The following PALM3 variants were observed in gnomAD, a reference collection of about 807,000 sequenced individuals.
PALM3 encodes paralemmin 3, also known as paralemmin-3.
In PALM3, 20 loss-of-function variants were observed where a neutral mutation model predicts 27.9. The observed-to-expected ratio is 0.72, with a 90% confidence interval of 0.50 to 1.04. The LOEUF (loss-of-function observed/expected upper bound fraction) is 1.04, where lower values mean the gene tolerates loss of function less well. Ranked by LOEUF, PALM3 falls within the 50% of genes least tolerant of loss-of-function variation. The pLI, the probability that PALM3 is intolerant of heterozygous loss-of-function variation, is 0.00. For missense variants in PALM3, 814 were observed against 869.4 expected, an observed-to-expected ratio of 0.94 and a Z score of 0.80; for synonymous variants, 328 against 352.7, an observed-to-expected ratio of 0.93 and a Z score of 0.79.
Position 14,054,952 on chromosome 19 carries a change from C to T in PALM3, c.720G>A (p.Leu240=). The T allele has an allele frequency of 6.5e-7, 1 of 1,549,826 alleles. No homozygotes were observed. Among genetic ancestry groups the T allele is most frequent in the South Asian group, 1.2e-5 (1 of 83,992 alleles). The change falls in exon 7 of 7, where the codon CTG becomes CTA. Residue 240 remains leucine, a synonymous_variant. Transcript: ENST00000669674. ...CTGTGGCACAGTCCTCTGTGGCCCTCAGCCCTTCCCACACCACACTCACCA... is the reference window on the plus strand; with the variant it reads ...CTGTGGCACAGTCCTCTGTGGCCCTTAGCCCTTCCCACACCACACTCACCA... ...GGVVSVVWEG[L]RATEDCATGA... is the part of the protein sequence containing the mutation.
chr19:14,053,462 T>G lies in PALM3; in HGVS notation c.*143A>C. 4.2e-6 allele frequency: 4 copies of G among 943,686 alleles called. No individual in the cohort carries two copies. Among genetic ancestry groups the G allele is most frequent in the South Asian group, 2.8e-5 (1 of 36,128 alleles). The allele number at this position is 943,686 out of a possible 1,614,324, so 58.5% of individuals were successfully genotyped here. A position where few individuals can be genotyped will look rare whatever the true frequency, so the allele number is the denominator to read the frequency against. ...TGGGCAAGGGGTCTGGAAGCCCAGGTTTAGGTGGACGTGCAGGCTAGCTGG... is the reference window on the plus strand; with the variant it reads ...TGGGCAAGGGGTCTGGAAGCCCAGGGTTAGGTGGACGTGCAGGCTAGCTGG... On this transcript the variant is annotated 3_prime_UTR_variant, in exon 7 of 7. Transcript: ENST00000669674.
Position 14,055,400 on chromosome 19 carries a change from A to G in PALM3, c.425T>C (p.Ile142Thr). ...CTTACCTACAGAACCTGCCTCGACA[A>G]TGGACTGGGAGAGAGGACGGTGACC... ...RQGHRPLSQS[I>T]VEAGSVGQTD... Residue 142 changes from isoleucine to threonine, a missense_variant, in exon 6 of 7, where the codon ATT becomes ACT. Coordinates refer to ENST00000669674, the MANE Select transcript of PALM3 (RefSeq NM_001145028.2). 1 of 1,551,538 alleles carries G rather than the reference A, an allele frequency of 6.4e-7. No individual in the cohort carries two copies. Among genetic ancestry groups the G allele is most frequent in the South Asian group, 1.2e-5 (1 of 84,060 alleles).
In PALM3 at chr19:14,057,665, G is replaced by T. The variant is rs1367483270; in HGVS notation, c.91-234C>A. The T allele has an allele frequency of 5.8e-5, 11 of 191,010 alleles. No homozygotes were observed. The Admixed American group carries it at 6.9e-4, about 12-fold the overall frequency. The allele number at this position is 191,010 out of a possible 1,614,324, so 11.8% of individuals were successfully genotyped here. A position where few individuals can be genotyped will look rare whatever the true frequency, so the allele number is the denominator to read the frequency against. On this transcript the variant is annotated intron_variant, in intron 2 of 6. Coordinates refer to ENST00000669674, the MANE Select transcript of PALM3 (RefSeq NM_001145028.2). Reference sequence around the variant, plus strand: ...GGGGGGGCGGGGCGGGGGCGGGGCCGGCCGCGCCCGGGATGCTGCGGAGGC... The same window carrying T: ...GGGGGGGCGGGGCGGGGGCGGGGCCTGCCGCGCCCGGGATGCTGCGGAGGC...
chr19:14,053,499 C>A lies in PALM3; in HGVS notation c.*106G>T. ...TGCAGGCTAGCTGGCTCCCAGGTGCCATGGCCAGTCCTGTGGTCCCTGTCT... is the reference window on the plus strand; with the variant it reads ...TGCAGGCTAGCTGGCTCCCAGGTGCAATGGCCAGTCCTGTGGTCCCTGTCT... On this transcript the variant is annotated 3_prime_UTR_variant, in exon 7 of 7. Coordinates refer to ENST00000669674, the MANE Select transcript of PALM3 (RefSeq NM_001145028.2). The A allele has an allele frequency of 7.6e-7, 1 of 1,312,566 alleles. No individual in the cohort carries two copies. Among genetic ancestry groups the A allele is most frequent in the East Asian group, 2.7e-5 (1 of 36,498 alleles). The allele number at this position is 1,312,566 out of a possible 1,614,324, so 81.3% of individuals were successfully genotyped here.
Position 14,054,971 on chromosome 19 carries a change from C to A in PALM3, c.701G>T (p.Ser234Ile). ...VGEAKGGGVV[S>I]VVWEGLRATE... Reference sequence around the variant, plus strand: ...GGCCCTCAGCCCTTCCCACACCACACTCACCACGCCCCCTCCTTTGGCCTC... The same window carrying A: ...GGCCCTCAGCCCTTCCCACACCACAATCACCACGCCCCCTCCTTTGGCCTC... The change falls in exon 7 of 7, where the codon AGT becomes ATT. Residue 234 changes from serine (S) to isoleucine (I), a missense_variant. Coordinates refer to ENST00000669674, the MANE Select transcript of PALM3 (RefSeq NM_001145028.2). The A allele has an allele frequency of 6.5e-7, 1 of 1,549,366 alleles. No individual in the cohort carries two copies. Among genetic ancestry groups the A allele is most frequent in the Middle Eastern group, 1.7e-4 (1 of 5,988 alleles).
chr19:14,057,340 C>T lies in PALM3; in HGVS notation c.171+11G>A. 6.5e-7 allele frequency: 1 copy of T among 1,537,958 alleles called. No homozygotes were observed. The highest frequency in any genetic ancestry group is 2.0e-5 in the Admixed American group (1 of 50,344). Reference sequence around the variant, plus strand: ...CCCCAGGCTAGGCAGGCGCCCCCGCCCGCCCCCAACCTTGAGACGCTCCAC... The same window carrying T: ...CCCCAGGCTAGGCAGGCGCCCCCGCTCGCCCCCAACCTTGAGACGCTCCAC... On this transcript the variant is annotated intron_variant, in intron 3 of 6. Coordinates refer to ENST00000669674, the MANE Select transcript of PALM3 (RefSeq NM_001145028.2).
rs764200354 is a variant in PALM3 at position 14,054,805 on chromosome 19, C to T, written c.867G>A (p.Val289=). Residue 289 remains valine (V), a synonymous_variant, in exon 7 of 7, where the codon GTG becomes GTA. Transcript: ENST00000669674. Reference sequence around the variant, plus strand: ...CACCCACCCCCTCCCAGACCACCTCCACGATGCCCCTGTCCTCCTTCACCC... The same window carrying T: ...CACCCACCCCCTCCCAGACCACCTCTACGATGCCCCTGTCCTCCTTCACCC... ...PAWVKEDRGI[V]EVVWEGVGGS... is the part of the protein sequence containing the mutation. 1 of 1,550,004 alleles carries T rather than the reference C, an allele frequency of 6.5e-7. No individual in the cohort carries two copies.
intron 2 of PALM3, among the ~76,000 whole-genome samples, chr19:14,058,855 A>G (rs1001256655): frequency 1.3e-5 from 2 of 151,888 alleles, no homozygotes; most frequent in East Asian, 3.9e-4. Context: ...CGGCTCAGGC[A>G]TGGGGTTTTT....
At chr19:14,058,196 G>C (rs1976350275) in intron 2 of PALM3, among the ~76,000 whole-genome samples, 2 of 151,038 alleles carry the variant, frequency 1.3e-5, no homozygotes, top group South Asian at 4.2e-4. Context: ...ATGGAGTGTA[G>C]ACATGGAATC....
At chr19:14,058,875 G>A (rs1309268011) in intron 2 of PALM3, among the ~76,000 whole-genome samples, 2 of 150,558 alleles carry the variant, frequency 1.3e-5, no homozygotes, top group Admixed American at 1.3e-4. Context: ...TGGGAGGCTG[G>A]GGTTCAGGAA....
rs1187829599 is a variant in PALM3 at position 14,057,227 on chromosome 19, G to A, written c.171+124C>T. The A allele has an allele frequency of 9.0e-5, 36 of 399,376 alleles. No homozygotes were observed. In the South Asian group the frequency reaches 1.3e-3, roughly 15 times the overall value. 24.7% of individuals were successfully genotyped at this position (399,376 alleles called of 1,614,324 possible). A position where few individuals can be genotyped will look rare whatever the true frequency, so the allele number is the denominator to read the frequency against. ...CCGCCCCGGCCAAGCTGGAACCAAC[G>A]CCCCCAACTGCCCGCTCCCCCCCAA... is the stretch of plus-strand genomic sequence containing the variant. On this transcript the variant is annotated intron_variant, in intron 3 of 6. Coordinates refer to ENST00000669674, the MANE Select transcript of PALM3 (RefSeq NM_001145028.2).
intron 1 of PALM3, 112 bp downstream of exon 1, chr19:14,061,828 G>T: frequency 1.5e-6 from 1 of 654,028 alleles, no homozygotes. Context: ...CACTCCCCGG[G>T]TCCCCTTAGG....
At position 14,053,482 on chromosome 19, in the gene PALM3, A is replaced by G. The variant is rs908717944; in HGVS notation, c.*123T>C. 5 of 1,166,126 alleles carry G rather than the reference A, an allele frequency of 4.3e-6. No individual in the cohort carries two copies. Among genetic ancestry groups the G allele is most frequent in the Non-Finnish European group, 5.7e-6 (5 of 871,580 alleles). 72.2% of individuals were successfully genotyped at this position (1,166,126 alleles called of 1,614,324 possible). On this transcript the variant is annotated 3_prime_UTR_variant, in exon 7 of 7. Transcript: ENST00000669674. Reference sequence around the variant, plus strand: ...CCAGGTTTAGGTGGACGTGCAGGCTAGCTGGCTCCCAGGTGCCATGGCCAG... The same window carrying G: ...CCAGGTTTAGGTGGACGTGCAGGCTGGCTGGCTCCCAGGTGCCATGGCCAG...
At chr19:14,060,675 G>T (rs117176194) in intron 1 of PALM3, among the ~76,000 whole-genome samples, 377 of 152,224 alleles carry the variant, frequency 2.5e-3, no homozygotes, top group Admixed American at 4.0e-3. Flanking sequence ...GAGGGGGGTG[G>T]GGGTGCAGGT....
In PALM3 at chr19:14,056,517, A is replaced by C; in HGVS notation, c.315-4T>G. 6.4e-7 allele frequency: 1 copy of C among 1,551,034 alleles called. No individual in the cohort carries two copies. The highest frequency in any genetic ancestry group is 8.7e-7 in the Non-Finnish European group (1 of 1,146,568). On this transcript the variant is annotated splice_polypyrimidine_tract_variant and splice_region_variant and intron_variant, in intron 4 of 6. Transcript: ENST00000669674. ...CAGTTGCAGCTGGGACTGGAGTCTG[A>C]AGAAGAGAGAGGGCTGCTAGGAGCT...
At chr19:14,060,353 C>T (rs1010571180) in intron 1 of PALM3, among the ~76,000 whole-genome samples, 3 of 151,884 alleles carry the variant, frequency 2.0e-5, no homozygotes, top group Admixed American at 6.6e-5. Context: ...ACGGGGTTTC[C>T]GCTAGGTTCC....
In PALM3 at chr19:14,053,573, AG is replaced by A. The variant is rs769581065; in HGVS notation, c.*31del. The stretch of plus-strand genomic sequence containing the variant: ...GCCAAGAGGCCGAGGTAGCTGTGAG[AG>A]GAGCTGGACATGGGGTGGAGGGGCA... On this transcript the variant is annotated 3_prime_UTR_variant, in exon 7 of 7. Coordinates refer to ENST00000669674, the MANE Select transcript of PALM3 (RefSeq NM_001145028.2). 411 of 1,437,076 alleles carry A rather than the reference AG, an allele frequency of 2.9e-4. 4 individuals are homozygous for A. In the South Asian group the frequency reaches 6.0e-3, roughly 21 times the overall value. The allele number at this position is 1,437,076 out of a possible 1,614,324, so 89.0% of individuals were successfully genotyped here.
In PALM3 at chr19:14,054,437, TTTCTC is replaced by T. The variant is rs1424454348; in HGVS notation, c.1230_1234del (p.Arg411SerfsTer10). On this transcript the variant is annotated frameshift_variant, in exon 7 of 7. Coordinates refer to ENST00000669674, the MANE Select transcript of PALM3 (RefSeq NM_001145028.2). LOFTEE classifies it low-confidence loss of function (END_TRUNC). Reference sequence around the variant, plus strand: ...TCCTATTCCCATGGATTCTTCCGCTTTTCTCTTCTCTGCCTCCCAGGTCTCCTCGC... The same window carrying T: ...TCCTATTCCCATGGATTCTTCCGCTTTTCTCTGCCTCCCAGGTCTCCTCGC... 2.6e-6 allele frequency: 4 copies of T among 1,551,588 alleles called. No homozygotes were observed. In the African/African-American group the frequency reaches 5.5e-5, roughly 21 times the overall value.
chr19:14,056,948 C>T, intron 3 of PALM3, 144 bp from the exon 4 acceptor site: 1 of 830,852 alleles, frequency 1.2e-6, no homozygotes, highest in Non-Finnish European at 1.8e-6. Context: ...GATACATGGC[C>T]ACAGTGCCCC....
Sources: gnomAD v4.1 joint callset for allele counts (sites outside exome capture counted in the v4.1 genomes callset) on GRCh38, gnomAD v4.1.1 for gene constraint, MANE v1.5 for transcripts, NCBI Gene and HGNC (gene_info 2026-07-23, HGNC 2026-07-21) for gene names.